SH2D4B: variants seen among roughly 807,000 people sequenced by gnomAD.
SH2D4B encodes SH2 domain-containing protein 4B.
Under a neutral mutation model 61.5 loss-of-function variants are expected in SH2D4B, and 45 were observed. That is an observed-to-expected ratio of 0.73 (90% CI 0.58 to 0.94). The LOEUF (loss-of-function observed/expected upper bound fraction) is 0.94. Among genes scored for constraint, SH2D4B ranks in the 40% least tolerant of loss-of-function variants. SH2D4B has a pLI of 0.00. For synonymous variants in SH2D4B, 224 were observed against 220.4 expected (o/e 1.02, Z -0.14); for missense variants, 572 against 574.2 (o/e 1.00, Z 0.04).
At chr10:80,599,518 T>G (rs1300066752) in intron 4 of SH2D4B, among the ~76,000 whole-genome samples, 6 of 152,180 alleles carry the variant, frequency 3.9e-5, no homozygotes, top group African/African-American at 1.2e-4. Context: ...TCCCCAAAGC[T>G]GAGTCATTAC....
chr10:80,608,900 A>G (rs1241491087), intron 5 of SH2D4B, among the ~76,000 whole-genome samples: 2 of 152,140 alleles, frequency 1.3e-5, no homozygotes, highest in East Asian at 3.9e-4. Context: ...TGGCACAGGC[A>G]GGCGTCCCCT....
At chr10:80,572,984 A>ATG (rs1283153702) in intron 3 of SH2D4B, among the ~76,000 whole-genome samples, 1 of 8,294 alleles carries the variant, frequency 1.2e-4, no homozygotes, top group African/African-American at 4.5e-4. Flanking sequence ...ATATATATAT[A>ATG]TATTTTTTTT....
At chr10:80,641,630 C>T (rs926124444) in intron 7 of SH2D4B, among the ~76,000 whole-genome samples, 7 of 152,218 alleles carry the variant, frequency 4.6e-5, no homozygotes, top group African/African-American at 1.7e-4. Context: ...TCCACTAAAC[C>T]ATATTGTTTG....
At chr10:80,642,722 C>T (rs1840328414) in intron 7 of SH2D4B, among the ~76,000 whole-genome samples, 1 of 152,198 alleles carries the variant, frequency 6.6e-6, no homozygotes, top group Admixed American at 6.5e-5. Flanking sequence ...TTGAACAGTG[C>T]TGTAGAGACT....
intron 1 of SH2D4B, among the ~76,000 whole-genome samples, chr10:80,554,751 T>C (rs2132108655): frequency 6.6e-6 from 1 of 152,308 alleles, no homozygotes; most frequent in South Asian, 2.1e-4. Flanking sequence ...GGCTTACGCC[T>C]GTAATCTCAG....
intron 1 of SH2D4B, among the ~76,000 whole-genome samples, chr10:80,567,748 G>T (rs931510392): frequency 6.6e-6 from 1 of 152,192 alleles, no homozygotes; most frequent in Non-Finnish European, 1.5e-5. Context: ...CTTCAGCCTG[G>T]ATGAGGCTTT....
At chr10:80,588,817 G>A (rs772788873) in intron 4 of SH2D4B, 40 bp downstream of exon 4, 43 of 1,608,764 alleles carry the variant, frequency 2.7e-5, no homozygotes, top group South Asian at 8.8e-5. Context: ...GACCAGTCCC[G>A]CCTCCCCACC....
intron 4 of SH2D4B, among the ~76,000 whole-genome samples, chr10:80,599,597 G>A (rs1295711399): frequency 1.3e-5 from 2 of 152,174 alleles, no homozygotes; most frequent in African/African-American, 2.4e-5. Flanking sequence ...AGGCCACAGG[G>A]GGTCACTGTT....
rs142994877 is a variant in SH2D4B, at chr10:80,555,343, C to T, written c.185-14811C>T. On this transcript the variant is annotated intron_variant, in intron 1 of 7. Transcript: ENST00000646907. ...GCAGCCAGAGTTGTTTCTCTCCCCG[C>T]CTACTGTTCACATTTCTCTCCCTGC... Among the ~76,000 whole-genome samples the T allele has an allele frequency of 3.1e-3, 469 of 150,822 alleles. 1 individual carries two copies. The highest frequency in any genetic ancestry group is 0.011 in the African/African-American group (456 of 41,562).
intron 1 of SH2D4B, among the ~76,000 whole-genome samples, chr10:80,554,238 C>A (rs77161010): frequency 0.11 from 17,306 of 152,246 alleles, 1,280 homozygotes; most frequent in Middle Eastern, 0.17. Context: ...CTGAGAGGGG[C>A]CGTATCCTCA....
chr10:80,540,744 C>A, intron 1 of SH2D4B: 1 of 1,362,870 alleles, frequency 7.3e-7, no homozygotes, highest in Non-Finnish European at 1.0e-6. Context: ...TGGGGCAGTG[C>A]TTGTCCTGGA....
intron 4 of SH2D4B, among the ~76,000 whole-genome samples, chr10:80,593,275 G>A (rs762067661): frequency 2.0e-5 from 3 of 152,148 alleles, no homozygotes; most frequent in Non-Finnish European, 2.9e-5. Context: ...GAAATCTGTA[G>A]ATCAATTTGG....
rs1842565076 is a variant in SH2D4B at position 80,609,405 on chromosome 10, C to T, written c.861-19C>T. The T allele has an allele frequency of 6.2e-7, 1 of 1,611,008 alleles. No homozygotes were observed. The highest frequency in any genetic ancestry group is 8.5e-7 in the Non-Finnish European group (1 of 1,178,004). On this transcript the variant is annotated intron_variant, in intron 5 of 7. Coordinates refer to ENST00000646907, the MANE Select transcript of SH2D4B (RefSeq NM_001388272.1). ...TCCCTCCCTGACTCTTCTGCCCTCC[C>T]CACTTTCTTTCTCTTCAGCAGGACC...
At chr10:80,631,036 G>A (rs1261842550) in intron 6 of SH2D4B, among the ~76,000 whole-genome samples, 2 of 152,206 alleles carry the variant, frequency 1.3e-5, no homozygotes, top group Non-Finnish European at 2.9e-5. Flanking sequence ...TAACGTGTTG[G>A]CAAGTGTTGG....
chr10:80,586,500 C>T (rs1331680126), intron 3 of SH2D4B, among the ~76,000 whole-genome samples: 1 of 152,202 alleles, frequency 6.6e-6, no homozygotes, highest in Non-Finnish European at 1.5e-5. Flanking sequence ...TCTAGCTACT[C>T]TGGTGGGGGC....
intron 3 of SH2D4B, among the ~76,000 whole-genome samples, chr10:80,577,955 C>G (rs1161849505): frequency 1.3e-5 from 2 of 148,570 alleles, no homozygotes; most frequent in Non-Finnish European, 3.0e-5. Flanking sequence ...TAGAGATTGG[C>G]TTAGATAATT....
At chr10:80,540,940 C>A (rs1841570199) in intron 1 of SH2D4B, 2 of 1,518,748 alleles carry the variant, frequency 1.3e-6, no homozygotes, top group South Asian at 1.2e-5. Flanking sequence ...GCTGGTGAGA[C>A]CCCAGCCCCA....
intron 6 of SH2D4B, among the ~76,000 whole-genome samples, chr10:80,619,550 C>T (rs1842694895): frequency 6.6e-6 from 1 of 152,222 alleles, no homozygotes. Flanking sequence ...TGCCTCAGTT[C>T]CCTTAATTAT....
At chr10:80,611,900 A>T (rs891331319) in intron 6 of SH2D4B, among the ~76,000 whole-genome samples, 12 of 152,088 alleles carry the variant, frequency 7.9e-5, no homozygotes, top group African/African-American at 2.9e-4. Context: ...ACCATAAAGC[A>T]TGCAGAAAAG....
Sources: allele counts gnomAD v4.1 joint callset (sites outside exome capture counted in the v4.1 genomes callset), GRCh38; gene constraint gnomAD v4.1.1; transcripts MANE v1.5; gene names NCBI Gene and HGNC (gene_info 2026-07-23, HGNC 2026-07-21).